TSPAN33: variants seen among roughly 807,000 people sequenced by gnomAD.
The protein encoded by TSPAN33 is tetraspanin-33.
TSPAN33 carries 27 observed loss-of-function variants against 34.8 expected under a neutral mutation model. The ratio of observed to expected loss-of-function variants is 0.78; its 90% CI spans 0.57 to 1.07. The LOEUF is 1.07. Among genes scored for constraint, TSPAN33 ranks in the 50% least tolerant of loss-of-function variants. The pLI, the probability that TSPAN33 is intolerant of heterozygous loss-of-function variation, is 0.00. For synonymous variants in TSPAN33, 119 were observed against 124.2 expected (o/e 0.96, Z 0.28); for missense variants, 272 against 324.9 (o/e 0.84, Z 1.25).
At chr7:129,147,873 T>G (rs719336) in intron 1 of TSPAN33, among the ~76,000 whole-genome samples, 35,467 of 152,028 alleles carry the variant, frequency 0.23, 4,571 homozygotes, top group East Asian at 0.51. Context: ...ACTAATGAAT[T>G]TTGGGGGACT....
In TSPAN33 at chr7:129,162,435, C is replaced by G. The variant is rs1240863565; in HGVS notation, c.202C>G (p.Leu68Val). The stretch of plus-strand genomic sequence containing the variant: ...CCTGGCAGTGGACCCTGCCATCCTG[C>G]TGATCGTGGTGGGTGTCCTCATGTT... ...ACLAVDPAILLIVVGVLMFLL... is the reference protein window; with the variant it reads ...ACLAVDPAILVIVVGVLMFLL... The change falls in exon 3 of 8, where the codon CTG (leucine) becomes GTG (valine). Residue 68 changes from leucine (L) to valine (V), a missense_variant. Physicochemically the swap from Leu to Val is conservative, Grantham distance 32. Coordinates refer to ENST00000486685, the MANE Select transcript of TSPAN33 (RefSeq NM_178562.5). The G allele has an allele frequency of 1.2e-6, 2 of 1,613,834 alleles. No individual in the cohort carries two copies. The highest frequency in any genetic ancestry group is 1.7e-6 in the Non-Finnish European group (2 of 1,180,050).
rs1205695571 is a variant in TSPAN33, at chr7:129,165,095, C to T, written c.459+526C>T. ...CCATCACCACCATCTCCAGAACGCTCATCTGCCCCAGATGAAACTCTGTAT... is the reference window on the plus strand; with the variant it reads ...CCATCACCACCATCTCCAGAACGCTTATCTGCCCCAGATGAAACTCTGTAT... On this transcript the variant is annotated intron_variant, in intron 5 of 7. Coordinates refer to ENST00000486685, the MANE Select transcript of TSPAN33 (RefSeq NM_178562.5). The surrounding 1 kb of genome is among the most constrained non-coding windows in gnomAD (Gnocchi z 4.5). 6.5e-6 allele frequency: 1 copy of T among 154,694 alleles called. No homozygotes were observed. Among genetic ancestry groups the T allele is most frequent in the Non-Finnish European group, 1.4e-5 (1 of 69,740 alleles). 9.6% of individuals were successfully genotyped at this position (154,694 alleles called of 1,614,324 possible). A position where few individuals can be genotyped will look rare whatever the true frequency, so the allele number is the denominator to read the frequency against.
chr7:129,168,792 A>C lies in TSPAN33; in HGVS notation c.*918A>C, dbSNP rs999633765. 1 of 152,584 alleles carries C rather than the reference A, an allele frequency of 6.6e-6. No individual in the cohort carries two copies. The highest frequency in any genetic ancestry group is 1.5e-5 in the Non-Finnish European group (1 of 68,126). The allele number at this position is 152,584 out of a possible 1,614,324, so 9.5% of individuals were successfully genotyped here. On this transcript the variant is annotated 3_prime_UTR_variant, in exon 8 of 8. Transcript: ENST00000486685. ...AAGAGGTAGGAATCTTGCTGGGACG[A>C]GGGGAGCCAGAAGTGGCAATAAAAG...
At chr7:129,153,091 AAAAG>A (rs1810623218) in intron 1 of TSPAN33, among the ~76,000 whole-genome samples, 1 of 151,922 alleles carries the variant, frequency 6.6e-6, no homozygotes, top group Non-Finnish European at 1.5e-5. Flanking sequence ...AAGAAAAAGA[AAAAG>A]AAAACATTCT....
In TSPAN33 at chr7:129,144,947, A is replaced by G. The variant is rs1271593596; in HGVS notation, c.-34A>G. 5 of 539,964 alleles carry G rather than the reference A, an allele frequency of 9.3e-6. No individual in the cohort carries two copies. The highest frequency in any genetic ancestry group is 1.7e-5 in the Non-Finnish European group (5 of 302,790). 33.4% of individuals were successfully genotyped at this position (539,964 alleles called of 1,614,324 possible). A position where few individuals can be genotyped will look rare whatever the true frequency, so the allele number is the denominator to read the frequency against. ...CAGGCCGGCCGGCAGCCGCTGGGAA[A>G]TAGGCCCCCGGGGGCGGTGGCGGCG... On this transcript the variant is annotated 5_prime_UTR_variant, in exon 1 of 8. Transcript: ENST00000486685.
chr7:129,152,125 A>G (rs1810603880), intron 1 of TSPAN33, among the ~76,000 whole-genome samples: 1 of 152,226 alleles, frequency 6.6e-6, no homozygotes, highest in Non-Finnish European at 1.5e-5. Flanking sequence ...GAACCCTCAC[A>G]CTTGGCTAGT....
intron 1 of TSPAN33, among the ~76,000 whole-genome samples, chr7:129,145,569 C>A (rs749388431): frequency 5.9e-5 from 9 of 151,782 alleles, no homozygotes; most frequent in Admixed American, 2.0e-4. Context: ...CCTCCACCCC[C>A]CCAAAGTCTA....
At chr7:129,151,024 T>C (rs536610295) in intron 1 of TSPAN33, among the ~76,000 whole-genome samples, 4 of 152,356 alleles carry the variant, frequency 2.6e-5, no homozygotes, top group East Asian at 3.9e-4. Flanking sequence ...ATATATCCCA[T>C]GAACAGAGCT....
chr7:129,166,985 TCCCC>T, intron 6 of TSPAN33, 79 bp downstream of exon 6: 3 of 1,515,672 alleles, frequency 2.0e-6, no homozygotes, highest in Non-Finnish European at 1.8e-6. Context: ...CTACTGGGGA[TCCCC>T]ATCCCCTAGC....
chr7:129,162,473 C>G lies in TSPAN33; in HGVS notation c.240C>G (p.Phe80Leu), dbSNP rs548076553. The G allele has an allele frequency of 8.1e-6, 13 of 1,613,876 alleles. No individual in the cohort carries two copies. The highest frequency in any genetic ancestry group is 1.1e-5 in the Non-Finnish European group (13 of 1,180,048). The change falls in exon 3 of 8, where the codon TTC becomes TTG. Residue 80 changes from phenylalanine (F) to leucine (L), a missense_variant. Coordinates refer to ENST00000486685, the MANE Select transcript of TSPAN33 (RefSeq NM_178562.5). The part of the protein sequence containing the change: ...VVGVLMFLLT[F>L]CGCIGSLREN... ...GTGTCCTCATGTTCCTGCTCACCTT[C>G]TGTGGCTGCATTGGGTCCCTCCGCG...
rs1233773243 is a variant in TSPAN33 at position 129,169,399 on chromosome 7, C to T, written c.*1525C>T. 1 of 152,252 alleles carries T rather than the reference C, an allele frequency of 6.6e-6. No individual in the cohort carries two copies. The allele number at this position is 152,252 out of a possible 1,614,324, so 9.4% of individuals were successfully genotyped here. On this transcript the variant is annotated 3_prime_UTR_variant, in exon 8 of 8. Coordinates refer to ENST00000486685, the MANE Select transcript of TSPAN33 (RefSeq NM_178562.5). ...AGGCCCGCGCCTGCGTCCCCCAACC[C>T]GGAGGAGATGGGGGGCTGTGCTAGC...
Position 129,167,585 on chromosome 7 carries a change from G to T in TSPAN33, c.750+25G>T. ...GGTAACTTACCCTGTGAGACTTGTT[G>T]GTCCCACACACTCTGTAAAGACTCC... On this transcript the variant is annotated intron_variant, in intron 7 of 7. Transcript: ENST00000486685. This position sits in a 1 kb window ranked among gnomAD's most constrained non-coding sequence, Gnocchi z 4.6. 6.2e-7 allele frequency: 1 copy of T among 1,610,060 alleles called. No individual in the cohort carries two copies. The highest frequency in any genetic ancestry group is 2.2e-5 in the East Asian group (1 of 44,814).
At chr7:129,162,630 C>T in intron 3 of TSPAN33, 109 bp downstream of exon 3, 4 of 1,538,530 alleles carry the variant, frequency 2.6e-6, no homozygotes, top group Middle Eastern at 1.7e-4. Context: ...CAAGCCTGTG[C>T]TGTCCACCCC....
chr7:129,155,221 G>C (rs1409703986), intron 1 of TSPAN33, among the ~76,000 whole-genome samples: 3 of 152,210 alleles, frequency 2.0e-5, no homozygotes, highest in Non-Finnish European at 2.9e-5. Flanking sequence ...CATAGAGGTA[G>C]AGAATAGAAT....
At chr7:129,146,977 A>C (rs1584632936) in intron 1 of TSPAN33, among the ~76,000 whole-genome samples, 10 of 131,276 alleles carry the variant, frequency 7.6e-5, no homozygotes, top group South Asian at 2.5e-4. Context: ...CCCTACCTCC[A>C]CCCTACCCCC....
chr7:129,148,194 C>G lies in TSPAN33; in HGVS notation c.102+3112C>G, dbSNP rs1810546171. On this transcript the variant is annotated intron_variant, in intron 1 of 7. Transcript: ENST00000486685. This position sits in a 1 kb window ranked among gnomAD's most constrained non-coding sequence, Gnocchi z 4.2. ...TCCTTCCTCGCTGGTCCTTTTCCCA[C>G]TCAGGGCAGCAGTTGGCTGGCTTTT... Among the ~76,000 whole-genome samples the G allele has an allele frequency of 6.6e-6, 1 of 152,214 alleles. No homozygotes were observed. The highest frequency in any genetic ancestry group is 2.1e-4 in the South Asian group (1 of 4,836).
chr7:129,162,377 GC>G lies in TSPAN33; in HGVS notation c.161-15del. 1 of 1,610,232 alleles carries G rather than the reference GC, an allele frequency of 6.2e-7. No homozygotes were observed. The highest frequency in any genetic ancestry group is 8.5e-7 in the Non-Finnish European group (1 of 1,179,968). ...AGTGGGCACCAGGCTCAGGCTGAGG[GC>G]CGGCTCCTTTTCCAGAAGCAGCCCT... On this transcript the variant is annotated splice_polypyrimidine_tract_variant and intron_variant, in intron 2 of 7. Transcript: ENST00000486685.
rs1189194509 is a variant in TSPAN33, at chr7:129,162,980, G to C, written c.363+73G>C. ...GAAGGAAGGTTCCTGCCCATGTTTA[G>C]CCTGGTTAATTAACCACAGCTCCTT... On this transcript the variant is annotated intron_variant, in intron 4 of 7. Coordinates refer to ENST00000486685, the MANE Select transcript of TSPAN33 (RefSeq NM_178562.5). 4 of 1,467,176 alleles carry C rather than the reference G, an allele frequency of 2.7e-6. No homozygotes were observed. In the East Asian group the frequency reaches 9.1e-5, roughly 34 times the overall value. 90.9% of individuals were successfully genotyped at this position (1,467,176 alleles called of 1,614,324 possible).
rs1158969258 is a variant in TSPAN33 at position 129,148,690 on chromosome 7, C to T, written c.102+3608C>T. Among the ~76,000 whole-genome samples, 2 of 152,144 alleles carry T rather than the reference C, an allele frequency of 1.3e-5. No individual in the cohort carries two copies. The highest frequency in any genetic ancestry group is 3.9e-4 in the East Asian group (2 of 5,190). ...CCAGGTCAGAAACATGGCAGCCATC[C>T]CCTCCTCAGAGCCACACGTACTTAC... On this transcript the variant is annotated intron_variant, in intron 1 of 7. Transcript: ENST00000486685. This position sits in a 1 kb window ranked among gnomAD's most constrained non-coding sequence, Gnocchi z 4.2.
Sources: gnomAD v4.1 joint callset for allele counts (sites outside exome capture counted in the v4.1 genomes callset) on GRCh38, gnomAD v4.1.1 for gene constraint, Gnocchi (gnomAD v3.1) non-coding constraint, MANE v1.5 for transcripts, NCBI Gene and HGNC (gene_info 2026-07-23, HGNC 2026-07-21) for gene names.